Variants in PCOLCE2 observed in about 807,000 individuals in gnomAD.
The protein encoded by PCOLCE2 is procollagen C-proteinase enhancer 2.
In PCOLCE2, 42 loss-of-function variants were observed where a neutral mutation model predicts 47.0. The observed-to-expected ratio is 0.89, with a 90% CI of 0.70 to 1.16. The LOEUF (loss-of-function observed/expected upper bound fraction) is 1.16, where lower values mean the gene tolerates loss of function less well. Among genes scored for constraint, PCOLCE2 ranks in the 50% most tolerant of loss-of-function variants. The pLI is 0.00. For missense variants in PCOLCE2, 500 were observed against 526.1 expected, an observed-to-expected ratio of 0.95 and a Z score of 0.49; for synonymous variants, 169 against 191.7, an observed-to-expected ratio of 0.88 and a Z score of 0.98.
intron 2 of PCOLCE2, among the ~76,000 whole-genome samples, chr3:142,876,953 T>C (rs752673033): frequency 7.9e-5 from 12 of 152,140 alleles, no homozygotes; most frequent in Non-Finnish European, 1.2e-4. Context: ...AGCACAACAG[T>C]GGAACTAGCA....
At chr3:142,834,081 C>T (rs1164388966) in intron 5 of PCOLCE2, among the ~76,000 whole-genome samples, 1 of 152,208 alleles carries the variant, frequency 6.6e-6, no homozygotes. Context: ...TGATGGTTCT[C>T]TGTGACGGGC....
intron 2 of PCOLCE2, among the ~76,000 whole-genome samples, chr3:142,852,984 T>C (rs977520726): frequency 6.6e-6 from 1 of 151,236 alleles, no homozygotes; most frequent in Admixed American, 6.6e-5. Flanking sequence ...TGCATGCCTG[T>C]AGTCCCAGCT....
At chr3:142,843,403 T>C (rs183895601) in intron 3 of PCOLCE2, 123 of 422,826 alleles carry the variant, frequency 2.9e-4, no homozygotes, top group Admixed American at 4.4e-4. Context: ...CCTCAAGGCA[T>C]TGGTATTTAG....
At chr3:142,829,896 C>A (rs1265644391) in intron 5 of PCOLCE2, 50 bp from the exon 6 acceptor site, 3 of 1,120,004 alleles carry the variant, frequency 2.7e-6, no homozygotes, top group African/African-American at 3.2e-5. Flanking sequence ...AGTGGTGCCT[C>A]TCTGAAAATG....
At chr3:142,839,029 A>G (rs1422041927) in intron 4 of PCOLCE2, 123 bp from the exon 5 acceptor site, 1 of 681,902 alleles carries the variant, frequency 1.5e-6, no homozygotes, top group African/African-American at 1.8e-5. Flanking sequence ...AAAAGTATGC[A>G]TTAAGTGCTT....
At chr3:142,852,639 T>A (rs561995300) in intron 2 of PCOLCE2, among the ~76,000 whole-genome samples, 14 of 148,168 alleles carry the variant, frequency 9.4e-5, no homozygotes, top group Non-Finnish European at 1.8e-4. Flanking sequence ...CCTTCCATGC[T>A]GATCAAAATG....
chr3:142,821,117 C>T (rs900865487), intron 7 of PCOLCE2, 72 bp from the exon 8 acceptor site: 3 of 1,194,732 alleles, frequency 2.5e-6, no homozygotes, highest in Middle Eastern at 2.0e-4. Flanking sequence ...AACAAGTTTA[C>T]ATTCTTCTAA....
chr3:142,879,154 A>T (rs1410563953), intron 2 of PCOLCE2, among the ~76,000 whole-genome samples: 1 of 152,102 alleles, frequency 6.6e-6, no homozygotes, highest in Non-Finnish European at 1.5e-5. Flanking sequence ...ACACTACTTT[A>T]AAAAAAGTGT....
intron 3 of PCOLCE2, among the ~76,000 whole-genome samples, chr3:142,845,294 T>C (rs995028830): frequency 1.3e-5 from 2 of 152,236 alleles, no homozygotes; most frequent in Admixed American, 1.3e-4. Flanking sequence ...ACGTGTTGTA[T>C]ATGTATGTGC....
intron 3 of PCOLCE2, among the ~76,000 whole-genome samples, chr3:142,847,392 A>G (rs1937338286): frequency 6.6e-6 from 1 of 152,232 alleles, no homozygotes; most frequent in Non-Finnish European, 1.5e-5. Context: ...ATGTTGCACT[A>G]CAGTCCAATC....
chr3:142,878,481 G>T (rs1933543963), intron 2 of PCOLCE2, among the ~76,000 whole-genome samples: 1 of 152,164 alleles, frequency 6.6e-6, no homozygotes, highest in African/African-American at 2.4e-5. Context: ...TGAGAGTGGG[G>T]ATTACAGTTT....
rs150658759 is a variant in PCOLCE2, at chr3:142,884,928, T to C, written c.192+2741A>G. On this transcript the variant is annotated intron_variant, in intron 2 of 8. Coordinates refer to ENST00000295992, the MANE Select transcript of PCOLCE2 (RefSeq NM_013363.4). Reference sequence around the variant, plus strand: ...TGGCTATTGAGCACTTGAATGTGGCTAGTATGACTAAGAAACTAAATGTTT... The same window carrying C: ...TGGCTATTGAGCACTTGAATGTGGCCAGTATGACTAAGAAACTAAATGTTT... 2.1e-3 allele frequency among the ~76,000 whole-genome samples: 319 copies of C among 152,380 alleles called. 2 individuals are homozygous for C. Among genetic ancestry groups the C allele is most frequent in the African/African-American group, 7.3e-3 (305 of 41,590 alleles).
chr3:142,866,842 T>G (rs560571433), intron 2 of PCOLCE2, among the ~76,000 whole-genome samples: 2 of 152,332 alleles, frequency 1.3e-5, no homozygotes, highest in South Asian at 4.1e-4. Context: ...AAACCAGACC[T>G]GCAAGCATTG....
At chr3:142,875,113 T>C (rs6788089) in intron 2 of PCOLCE2, among the ~76,000 whole-genome samples, 12,290 of 152,226 alleles carry the variant, frequency 0.081, 659 homozygotes, top group Middle Eastern at 0.14. Flanking sequence ...AATTATAATA[T>C]CATAACAAAA....
intron 2 of PCOLCE2, among the ~76,000 whole-genome samples, chr3:142,854,891 C>T (rs1030636464): frequency 1.3e-5 from 2 of 152,220 alleles, no homozygotes; most frequent in African/African-American, 4.8e-5. Context: ...TTATAGTTTA[C>T]AGATGAAGAA....
rs751011403 is a variant in PCOLCE2, at chr3:142,842,982, T to G, written c.515A>C (p.Asp172Ala). The change falls in exon 4 of 9, where the codon GAC becomes GCC. Residue 172 changes from aspartate to alanine, a missense_variant. Asp to Ala is a moderately radical substitution (Grantham distance 126). Transcript: ENST00000295992. This position sits in a 1 kb window ranked among gnomAD's most constrained non-coding sequence, Gnocchi z 4.1. Reference sequence around the variant, plus strand: ...AGTGACTCCTGCAGGGTAATCCCGGTCTGGCCAGTTGGGGGTTTTAAAAGA... The same window carrying G: ...AGTGACTCCTGCAGGGTAATCCCGGGCTGGCCAGTTGGGGGTTTTAAAAGA... ...SGSFKTPNWP[D>A]RDYPAGVTCV... is the part of the protein sequence containing the mutation. 1.2e-6 allele frequency: 2 copies of G among 1,613,882 alleles called. No homozygotes were observed. The highest frequency in any genetic ancestry group is 1.7e-6 in the Non-Finnish European group (2 of 1,179,824).
At chr3:142,853,169 A>G (rs990344020) in intron 2 of PCOLCE2, among the ~76,000 whole-genome samples, 1 of 152,030 alleles carries the variant, frequency 6.6e-6, no homozygotes, top group Non-Finnish European at 1.5e-5. Flanking sequence ...GCATCCTTGA[A>G]TTTTCTGGCT....
At chr3:142,825,068 A>T (rs988980290) in intron 6 of PCOLCE2, among the ~76,000 whole-genome samples, 3 of 152,202 alleles carry the variant, frequency 2.0e-5, no homozygotes, top group Non-Finnish European at 2.9e-5. Context: ...GGAGAGAAAG[A>T]GCTCAGAAGA....
intron 5 of PCOLCE2, among the ~76,000 whole-genome samples, chr3:142,830,446 C>T (rs1937132658): frequency 6.6e-6 from 1 of 152,188 alleles, no homozygotes; most frequent in African/African-American, 2.4e-5. Flanking sequence ...CTAAGAAAGC[C>T]ATGCAAAGGA....
Sources: gnomAD v4.1 joint callset for allele counts (sites outside exome capture counted in the v4.1 genomes callset) on GRCh38, gnomAD v4.1.1 for gene constraint, Gnocchi (gnomAD v3.1) non-coding constraint, MANE v1.5 for transcripts, NCBI Gene and HGNC (gene_info 2026-07-23, HGNC 2026-07-21) for gene names.